Variants in MCCC2 observed in about 807,000 individuals in gnomAD.
MCCC2 encodes methylcrotonyl-CoA carboxylase subunit 2.
MCCC2 carries 52 observed loss-of-function variants against 77.2 expected under a neutral mutation model. That is an observed-to-expected ratio of 0.67 (90% CI 0.54 to 0.85). The LOEUF (loss-of-function observed/expected upper bound fraction) is 0.85. Ranked by LOEUF, MCCC2 falls within the 40% of genes least tolerant of loss-of-function variation. The probability of loss-of-function intolerance (pLI) is 0.00; values close to 1 mark genes in which losing one functional copy is unlikely to be tolerated. For synonymous variants in MCCC2, 253 were observed against 248.4 expected (o/e 1.02, Z -0.18); for missense variants, 682 against 703.2 (o/e 0.97, Z 0.34).
chr5:71,617,090 T>C (rs1158560963), intron 6 of MCCC2, among the ~76,000 whole-genome samples: 1 of 152,222 alleles, frequency 6.6e-6, no homozygotes, highest in Non-Finnish European at 1.5e-5. Context: ...CCCCGTGTGA[T>C]CGGATTTCAA....
chr5:71,627,846 A>T (rs1753563629), intron 7 of MCCC2, among the ~76,000 whole-genome samples: 1 of 150,078 alleles, frequency 6.7e-6, no homozygotes, highest in Non-Finnish European at 1.5e-5. Context: ...TAACTTTTTA[A>T]TTTTTATTTT....
Position 71,643,838 on chromosome 5 carries a change from G to A in MCCC2, c.1092G>A (p.Gly364=). Residue 364 remains glycine (G), a synonymous_variant, in exon 12 of 17, where the codon GGG becomes GGA. Transcript: ENST00000340941. Reference sequence around the variant, plus strand: ...TTTGAGGATTTGCTCGAATATTTGGGTACCCAGTAGGTATCGTTGGAAACA... The same window carrying A: ...TTTGAGGATTTGCTCGAATATTTGGATACCCAGTAGGTATCGTTGGAAACA... ...TLVTGFARIF[G]YPVGIVGNNG... 6.2e-7 allele frequency: 1 copy of A among 1,614,102 alleles called. No homozygotes were observed. Among genetic ancestry groups the A allele is most frequent in the Non-Finnish European group, 8.5e-7 (1 of 1,180,010 alleles).
intron 12 of MCCC2, among the ~76,000 whole-genome samples, chr5:71,645,565 A>T (rs1029960221): frequency 6.6e-6 from 1 of 152,254 alleles, no homozygotes; most frequent in Admixed American, 6.5e-5. Context: ...ATTTCAGATG[A>T]TCATCAAAAT....
At chr5:71,622,071 C>T (rs1746368187) in intron 6 of MCCC2, among the ~76,000 whole-genome samples, 1 of 152,044 alleles carries the variant, frequency 6.6e-6, no homozygotes, top group African/African-American at 2.4e-5. Context: ...CGCTTGAGCA[C>T]AGGAGTTCAG....
rs549510296 is a variant in MCCC2, at chr5:71,649,356, G to C, written c.1373+103G>C. ...TTTGAAATATAGAATGCCATTCCCA[G>C]ATCTCAATCAATTATACCGTAATTT... On this transcript the variant is annotated intron_variant, in intron 14 of 16. Transcript: ENST00000340941. 14 of 1,115,042 alleles carry C rather than the reference G, an allele frequency of 1.3e-5. No individual in the cohort carries two copies. In the East Asian group the frequency reaches 3.3e-4, roughly 27 times the overall value. 69.1% of individuals were successfully genotyped at this position (1,115,042 alleles called of 1,614,324 possible). A position where few individuals can be genotyped will look rare whatever the true frequency, so the allele number is the denominator to read the frequency against.
intron 6 of MCCC2, among the ~76,000 whole-genome samples, chr5:71,607,837 A>C: frequency 6.8e-6 from 1 of 146,674 alleles, no homozygotes; most frequent in Non-Finnish European, 1.5e-5. Context: ...TTATGTACCC[A>C]GTGGTCATTC....
At chr5:71,633,131 A>ATATTTT (rs1554137344) in intron 8 of MCCC2, among the ~76,000 whole-genome samples, 2 of 78,096 alleles carry the variant, frequency 2.6e-5, no homozygotes, top group African/African-American at 1.0e-4. Flanking sequence ...ATATATATAT[A>ATATTTT]TTTTTATTTT....
intron 11 of MCCC2, among the ~76,000 whole-genome samples, chr5:71,643,302 C>A (rs1206833669): frequency 6.6e-6 from 1 of 151,390 alleles, no homozygotes; most frequent in Non-Finnish European, 1.5e-5. Context: ...GGGAGGATCA[C>A]TTGAAGCCTG....
intron 5 of MCCC2, among the ~76,000 whole-genome samples, chr5:71,603,368 A>G (rs926714426): frequency 2.7e-5 from 4 of 150,074 alleles, no homozygotes; most frequent in Admixed American, 2.0e-4. Context: ...GTGAGCTGAA[A>G]TCGTGCCACT....
chr5:71,616,160 G>A (rs183654334), intron 6 of MCCC2, among the ~76,000 whole-genome samples: 1 of 152,186 alleles, frequency 6.6e-6, no homozygotes, highest in African/African-American at 2.4e-5. Context: ...TTGCAGACTC[G>A]CCTTATGTAT....
intron 8 of MCCC2, among the ~76,000 whole-genome samples, chr5:71,633,998 A>G (rs1746832230): frequency 6.6e-6 from 1 of 152,206 alleles, no homozygotes. Context: ...TCCCAGTCCT[A>G]AAGTAGAGTG....
chr5:71,626,371 C>T (rs1191520704), intron 6 of MCCC2, among the ~76,000 whole-genome samples: 4 of 152,088 alleles, frequency 2.6e-5, no homozygotes, highest in African/African-American at 9.7e-5. Context: ...GTTTTTCAGG[C>T]CAGTAGTCTA....
intron 16 of MCCC2, among the ~76,000 whole-genome samples, chr5:71,653,581 G>A (rs1001911047): frequency 7.3e-5 from 11 of 151,638 alleles, no homozygotes; most frequent in African/African-American, 2.7e-4. Context: ...CAGGCACAGT[G>A]GCTCACACTT....
rs1011506271 is a variant in MCCC2, at chr5:71,643,990, C to T, written c.1149+95C>T. The T allele has an allele frequency of 2.0e-6, 3 of 1,494,120 alleles. No individual in the cohort carries two copies. In the Admixed American group the frequency reaches 5.3e-5, roughly 26 times the overall value. The allele number at this position is 1,494,120 out of a possible 1,614,324, so 92.6% of individuals were successfully genotyped here. ...AGTTAAAATTTATTGCATAAAAATG[C>T]TTAACTAGATGCCTCAGCAACCAGA... On this transcript the variant is annotated intron_variant, in intron 12 of 16. Transcript: ENST00000340941.
chr5:71,592,644 T>C (rs1211636175), intron 1 of MCCC2, among the ~76,000 whole-genome samples: 1 of 151,590 alleles, frequency 6.6e-6, no homozygotes, highest in African/African-American at 2.4e-5. Context: ...AGAAGTAGAG[T>C]TGAAGATGAG....
At chr5:71,607,391 T>C (rs1261480926) in intron 6 of MCCC2, among the ~76,000 whole-genome samples, 5 of 151,042 alleles carry the variant, frequency 3.3e-5, no homozygotes, top group African/African-American at 1.2e-4. Flanking sequence ...TCTCTGATGG[T>C]AGTTTGTATT....
At chr5:71,650,008 C>A in intron 14 of MCCC2, 61 bp from the exon 15 acceptor site, 1 of 1,284,252 alleles carries the variant, frequency 7.8e-7, no homozygotes, top group Non-Finnish European at 1.1e-6. Context: ...CAAACATGGG[C>A]CTCTGAAAAT....
At chr5:71,592,858 C>A in intron 1 of MCCC2, 68 bp from the exon 2 acceptor site, 5 of 1,159,002 alleles carry the variant, frequency 4.3e-6, no homozygotes, top group Non-Finnish European at 5.0e-6. Context: ...TTTTTTTGAC[C>A]TTTATTTTGG....
At chr5:71,639,490 A>G (rs76249077) in intron 10 of MCCC2, among the ~76,000 whole-genome samples, 199 of 152,136 alleles carry the variant, frequency 1.3e-3, no homozygotes, top group African/African-American at 4.6e-3. Flanking sequence ...GGAACTGAAG[A>G]GAGTTAAGAC....
Sources: gnomAD v4.1 joint callset for allele counts (sites outside exome capture counted in the v4.1 genomes callset) on GRCh38, gnomAD v4.1.1 for gene constraint, MANE v1.5 for transcripts, NCBI Gene and HGNC (gene_info 2026-07-23, HGNC 2026-07-21) for gene names.